CSMD1: variants seen among roughly 807,000 people sequenced by gnomAD.
The protein encoded by CSMD1 is CUB and Sushi multiple domains 1.
CSMD1 carries 213 observed loss-of-function variants against 417.5 expected under a neutral mutation model. That is an observed-to-expected ratio of 0.51 (90% CI 0.46 to 0.57). The LOEUF is 0.57. Ranked by LOEUF, CSMD1 falls within the 20% of genes least tolerant of loss-of-function variation. The pLI, the probability that CSMD1 is intolerant of heterozygous loss-of-function variation, is 0.00. For synonymous variants in CSMD1, 2,862 were observed against 1,736.8 expected (o/e 1.65, Z -16.11); for missense variants, 6,923 against 4,529.7 (o/e 1.53, Z -15.17).
In CSMD1 at chr8:3,190,015, G is replaced by A. The variant is rs192606706; in HGVS notation, c.5295C>T (p.Phe1765=). 2.4e-5 allele frequency: 39 copies of A among 1,596,726 alleles called. No individual in the cohort carries two copies. In the Admixed American group the frequency reaches 4.4e-4, roughly 18 times the overall value. ...GAAGCAGGTATCCCGGGTTGCACTC[G>A]AATCGGACGATGGAGCCGGCAGAAA... ...SEFSAGSIVR[F]ECNPGYLLQG... The change falls in exon 34 of 70, where the codon TTC becomes TTT. Residue 1765 remains phenylalanine (F), a synonymous_variant. Transcript: ENST00000635120.
Position 2,973,258 on chromosome 8 carries a change from G to A in CSMD1, c.8782C>T (p.His2928Tyr), listed in dbSNP as rs776640931. The A allele has an allele frequency of 7.4e-6, 12 of 1,613,954 alleles. No individual in the cohort carries two copies. The highest frequency in any genetic ancestry group is 1.0e-5 in the Non-Finnish European group (12 of 1,179,850). ...GFCGDPGTPA[H>Y]GSRLGDDFKT... ...AAGTCATCACCAAGCCGAGACCCAT[G>A]TGCTGGGGTCCCCGGATCACCACAG... is the stretch of plus-strand genomic sequence containing the variant. Residue 2928 changes from histidine to tyrosine, a missense_variant, in exon 57 of 70, where the codon CAT (histidine) becomes TAT (tyrosine). Physicochemically the swap from His to Tyr is moderately conservative, Grantham distance 83. Coordinates refer to ENST00000635120, the MANE Select transcript of CSMD1 (RefSeq NM_033225.6).
intron 1 of CSMD1, among the ~76,000 whole-genome samples, chr8:4,918,287 T>G (rs1806204980): frequency 1.3e-5 from 2 of 152,158 alleles, no homozygotes; most frequent in Non-Finnish European, 2.9e-5. Flanking sequence ...CAGACTTATT[T>G]TTGTATTTAT....
chr8:4,052,316 C>A (rs2740889), intron 3 of CSMD1, among the ~76,000 whole-genome samples: 138,430 of 152,282 alleles, frequency 0.91, 63,157 homozygotes, highest in East Asian at 0.99. Flanking sequence ...ACATTTAATG[C>A]GTAATTATCA....
At chr8:4,469,537 T>A (rs1031119571) in intron 2 of CSMD1, among the ~76,000 whole-genome samples, 1 of 152,184 alleles carries the variant, frequency 6.6e-6, no homozygotes, top group African/African-American at 2.4e-5. Context: ...AGCCTTCCTC[T>A]TCTCAATTAA....
chr8:3,518,555 T>C (rs1048681796), intron 10 of CSMD1, among the ~76,000 whole-genome samples: 1 of 152,152 alleles, frequency 6.6e-6, no homozygotes, highest in Non-Finnish European at 1.5e-5. Flanking sequence ...AAATGCAGTA[T>C]CTATGTGAAA....
chr8:3,892,328 C>T (rs1032086447), intron 5 of CSMD1, among the ~76,000 whole-genome samples: 2 of 152,116 alleles, frequency 1.3e-5, no homozygotes, highest in South Asian at 4.1e-4. Flanking sequence ...AAACTGTCTT[C>T]AGCCTATGTC....
intron 12 of CSMD1, among the ~76,000 whole-genome samples, chr8:3,423,824 C>T (rs1296704159): frequency 6.6e-6 from 1 of 152,212 alleles, no homozygotes; most frequent in African/African-American, 2.4e-5. Flanking sequence ...GCGACCTTGT[C>T]TCTCCTCACA....
chr8:3,746,132 G>C (rs1291513535), intron 6 of CSMD1, among the ~76,000 whole-genome samples: 1 of 152,228 alleles, frequency 6.6e-6, no homozygotes, highest in Non-Finnish European at 1.5e-5. Context: ...TTGCCTGCAT[G>C]AGACAGAGAA....
At chr8:3,080,518 G>A (rs577462288) in intron 49 of CSMD1, among the ~76,000 whole-genome samples, 1 of 152,286 alleles carries the variant, frequency 6.6e-6, no homozygotes, top group African/African-American at 2.4e-5. Flanking sequence ...CTCACTCACA[G>A]ACAATTGGTA....
intron 3 of CSMD1, among the ~76,000 whole-genome samples, chr8:4,353,508 C>G (rs1396360185): frequency 6.6e-6 from 1 of 152,132 alleles, no homozygotes; most frequent in African/African-American, 2.4e-5. Flanking sequence ...AATGAATCCA[C>G]TGCATATGAT....
At chr8:3,927,585 A>C (rs943498179) in intron 5 of CSMD1, among the ~76,000 whole-genome samples, 3 of 152,132 alleles carry the variant, frequency 2.0e-5, no homozygotes, top group Admixed American at 6.6e-5. Context: ...GAATCGCTTG[A>C]AACTGGAAGG....
Position 4,622,833 on chromosome 8 carries a change from G to A in CSMD1, c.302+14509C>T, listed in dbSNP as rs188621404. 4.1e-3 allele frequency among the ~76,000 whole-genome samples: 627 copies of A among 152,202 alleles called. 9 individuals are homozygous for A. In the Middle Eastern group the frequency reaches 0.054, roughly 13 times the overall value. ...AGGGAAAGTTGAGCTGCCTCTCTTT[G>A]CAGATGACATGGTTGCCTCCATAAA... On this transcript the variant is annotated intron_variant, in intron 2 of 69. Coordinates refer to ENST00000635120, the MANE Select transcript of CSMD1 (RefSeq NM_033225.6).
chr8:4,974,625 T>C (rs906822984), intron 1 of CSMD1, among the ~76,000 whole-genome samples: 1 of 152,168 alleles, frequency 6.6e-6, no homozygotes, highest in African/African-American at 2.4e-5. Context: ...AAATTCTGTA[T>C]ATAATAGCAG....
chr8:4,160,806 G>C (rs1002842275), intron 3 of CSMD1, among the ~76,000 whole-genome samples: 2 of 152,204 alleles, frequency 1.3e-5, no homozygotes, highest in Admixed American at 6.5e-5. Flanking sequence ...GTGGTGTACT[G>C]TAAATATCAG....
chr8:4,427,638 A>T (rs1480731847), intron 2 of CSMD1, among the ~76,000 whole-genome samples: 1 of 152,158 alleles, frequency 6.6e-6, no homozygotes, highest in Non-Finnish European at 1.5e-5. Context: ...TAATAATTAC[A>T]TTATTTTTAT....
chr8:4,151,445 A>G lies in CSMD1; in HGVS notation c.416-119346T>C, dbSNP rs144793073. On this transcript the variant is annotated intron_variant, in intron 3 of 69. Transcript: ENST00000635120. ...AAATTCTGAGACATTTGTAATTGCA[A>G]TAAGATATTGAATCACCCATATCTA... Among the ~76,000 whole-genome samples, 1,196 of 152,360 alleles carry G rather than the reference A, an allele frequency of 7.8e-3. 15 individuals carry two copies. The highest frequency in any genetic ancestry group is 0.022 in the African/African-American group (902 of 41,582).
intron 3 of CSMD1, among the ~76,000 whole-genome samples, chr8:4,060,987 G>A (rs540861017): frequency 2.6e-5 from 4 of 152,252 alleles, no homozygotes; most frequent in African/African-American, 9.6e-5. Context: ...AGCTGCTTGT[G>A]AGCAAGCAAA....
At chr8:4,478,308 GAGTTGCC>G (rs1327893070) in intron 2 of CSMD1, among the ~76,000 whole-genome samples, 10 of 152,282 alleles carry the variant, frequency 6.6e-5, no homozygotes, top group Admixed American at 6.5e-4. Flanking sequence ...AAAGCAACAT[GAGTTGCC>G]TCATGTGACA....
At chr8:3,941,203 A>T (rs1017407844) in intron 5 of CSMD1, among the ~76,000 whole-genome samples, 1 of 152,158 alleles carries the variant, frequency 6.6e-6, no homozygotes, top group Non-Finnish European at 1.5e-5. Flanking sequence ...AAATTGTGCT[A>T]GAGAACAATT....
Sources: allele counts gnomAD v4.1 joint callset (sites outside exome capture counted in the v4.1 genomes callset), GRCh38; gene constraint gnomAD v4.1.1; transcripts MANE v1.5; gene names NCBI Gene and HGNC (gene_info 2026-07-23, HGNC 2026-07-21).